Variants in DMRT1 observed in about 807,000 individuals in gnomAD.
DMRT1 encodes doublesex and mab-3 related transcription factor 1.
Under a neutral mutation model 32.3 loss-of-function variants are expected in DMRT1, and 7 were observed. That is an observed-to-expected ratio of 0.22 (90% CI 0.12 to 0.41). The LOEUF is 0.41. Among genes scored for constraint, DMRT1 ranks in the 10% least tolerant of loss-of-function variants. DMRT1 has a pLI of 1.00. For missense variants in DMRT1, 625 were observed against 500.5 expected (o/e 1.25, Z -2.37); for synonymous variants, 278 against 206.1 (o/e 1.35, Z -2.99).
At chr9:900,186 G>A (rs13298202) in intron 3 of DMRT1, among the ~76,000 whole-genome samples, 97,235 of 152,000 alleles carry the variant, frequency 0.64, 32,241 homozygotes, top group South Asian at 0.77. Flanking sequence ...AGGAAACCGC[G>A]TTCTGGCATC....
At chr9:910,228 G>A (rs1489297829) in intron 3 of DMRT1, among the ~76,000 whole-genome samples, 2 of 151,208 alleles carry the variant, frequency 1.3e-5, no homozygotes, top group South Asian at 4.2e-4. Context: ...TACTGATGAT[G>A]AAAACTTTTA....
At chr9:873,506 A>G (rs1233485875) in intron 2 of DMRT1, among the ~76,000 whole-genome samples, 1 of 150,156 alleles carries the variant, frequency 6.7e-6, no homozygotes, top group African/African-American at 2.5e-5. Context: ...TTTAGTAGAG[A>G]TGGGGTTTCA....
chr9:862,522 AG>A (rs1815764090), intron 2 of DMRT1, among the ~76,000 whole-genome samples: 1 of 10,606 alleles, frequency 9.4e-5, no homozygotes, highest in African/African-American at 3.7e-4. Flanking sequence ...GGGGAGGGGG[AG>A]GGGGAGGGGG....
intron 3 of DMRT1, among the ~76,000 whole-genome samples, chr9:897,373 C>G (rs1817412569): frequency 6.6e-6 from 1 of 151,854 alleles, no homozygotes; most frequent in Admixed American, 6.6e-5. Flanking sequence ...GCCTCGGGCT[C>G]CCAAAGTGCT....
At chr9:929,988 C>A (rs1247103854) in intron 4 of DMRT1, among the ~76,000 whole-genome samples, 1 of 152,134 alleles carries the variant, frequency 6.6e-6, no homozygotes, top group Non-Finnish European at 1.5e-5. Context: ...GTCTGAGCTT[C>A]TGTATGCTGT....
chr9:843,714 T>C (rs1280393810), intron 1 of DMRT1, among the ~76,000 whole-genome samples: 2 of 152,228 alleles, frequency 1.3e-5, no homozygotes, highest in Non-Finnish European at 2.9e-5. Flanking sequence ...AACGAAGAAA[T>C]GTTTGCTAAC....
chr9:890,880 C>G (rs1488184229), intron 2 of DMRT1, among the ~76,000 whole-genome samples: 1 of 151,756 alleles, frequency 6.6e-6, no homozygotes, highest in African/African-American at 2.4e-5. Context: ...ATGCCGATGT[C>G]CGGCTAATTT....
intron 4 of DMRT1, among the ~76,000 whole-genome samples, chr9:967,738 G>C (rs1463724611): frequency 6.6e-6 from 1 of 152,130 alleles, no homozygotes; most frequent in Non-Finnish European, 1.5e-5. Flanking sequence ...CGTTAAACTG[G>C]AACTCTGCTA....
At chr9:919,532 C>T (rs1274869844) in intron 4 of DMRT1, among the ~76,000 whole-genome samples, 1 of 152,060 alleles carries the variant, frequency 6.6e-6, no homozygotes, top group African/African-American at 2.4e-5. Context: ...TCCTGAAAAA[C>T]GTTAAGAGGG....
chr9:945,280 A>G (rs1414448859), intron 4 of DMRT1, among the ~76,000 whole-genome samples: 1 of 151,982 alleles, frequency 6.6e-6, no homozygotes, highest in Non-Finnish European at 1.5e-5. Flanking sequence ...CAGCCTTTTG[A>G]GTAGCTGGGA....
rs191878414 is a variant in DMRT1 at position 847,219 on chromosome 9, G to A, written c.538+76G>A. On this transcript the variant is annotated intron_variant, in intron 2 of 4. Coordinates refer to ENST00000382276, the MANE Select transcript of DMRT1 (RefSeq NM_021951.3). ...GAAGGGTTGCAGCCACAGAAGCAGG[G>A]CTCCCCTGAGCTACATACAGTGTTT... 52 of 1,435,834 alleles carry A rather than the reference G, an allele frequency of 3.6e-5. No individual in the cohort carries two copies. In the East Asian group the frequency reaches 8.9e-4, roughly 24 times the overall value. 88.9% of individuals were successfully genotyped at this position (1,435,834 alleles called of 1,614,324 possible).
chr9:935,988 G>C (rs1413515651), intron 4 of DMRT1, among the ~76,000 whole-genome samples: 1 of 152,176 alleles, frequency 6.6e-6, no homozygotes. Context: ...CGTTTTCAAG[G>C]CTGGAGACAC....
intron 1 of DMRT1, among the ~76,000 whole-genome samples, chr9:846,328 T>C (rs1838903097): frequency 6.6e-6 from 1 of 152,140 alleles, no homozygotes; most frequent in African/African-American, 2.4e-5. Context: ...CCACCACTCC[T>C]GGCCCTGTTT....
intron 3 of DMRT1, among the ~76,000 whole-genome samples, chr9:915,930 T>C (rs1258413166): frequency 6.6e-6 from 1 of 152,096 alleles, no homozygotes; most frequent in Non-Finnish European, 1.5e-5. Flanking sequence ...AGATGGGGTT[T>C]CATTGTGTTA....
chr9:934,288 T>G (rs1243798391), intron 4 of DMRT1, among the ~76,000 whole-genome samples: 1 of 151,700 alleles, frequency 6.6e-6, no homozygotes, highest in Non-Finnish European at 1.5e-5. Context: ...GTGAGTGACC[T>G]TTGATGCACA....
At chr9:885,309 T>A (rs1816883602) in intron 2 of DMRT1, among the ~76,000 whole-genome samples, 1 of 152,184 alleles carries the variant, frequency 6.6e-6, no homozygotes, top group Admixed American at 6.5e-5. Flanking sequence ...GCTTTCTGTA[T>A]CCCCTGGTTC....
chr9:908,684 C>G (rs965536753), intron 3 of DMRT1, among the ~76,000 whole-genome samples: 2 of 151,490 alleles, frequency 1.3e-5, no homozygotes, highest in African/African-American at 4.9e-5. Context: ...TTTGAAAACT[C>G]CACCCACACT....
intron 2 of DMRT1, among the ~76,000 whole-genome samples, chr9:855,246 T>C (rs1815347758): frequency 6.6e-6 from 1 of 152,206 alleles, no homozygotes; most frequent in South Asian, 2.1e-4. Flanking sequence ...CCTACTTGTC[T>C]ACCTTTGACT....
At chr9:873,129 T>C (rs1816344468) in intron 2 of DMRT1, among the ~76,000 whole-genome samples, 1 of 152,214 alleles carries the variant, frequency 6.6e-6, no homozygotes, top group Non-Finnish European at 1.5e-5. Flanking sequence ...CGAAGTGGTA[T>C]TATTTGTGGT....
Sources: gnomAD v4.1 joint callset for allele counts (sites outside exome capture counted in the v4.1 genomes callset) on GRCh38, gnomAD v4.1.1 for gene constraint, MANE v1.5 for transcripts, NCBI Gene and HGNC (gene_info 2026-07-23, HGNC 2026-07-21) for gene names.